Variants in DYM observed in about 807,000 individuals in gnomAD.
DYM encodes dyggve-Melchior-Clausen syndrome protein.
DYM carries 78 observed loss-of-function variants against 93.1 expected under a neutral mutation model. The ratio of observed to expected loss-of-function variants is 0.84; its 90% CI spans 0.70 to 1.01. The LOEUF is 1.01. DYM is among the 50% of genes least tolerant of loss of function. The pLI is 0.00. For synonymous variants in DYM, 321 were observed against 319.7 expected (o/e 1.00, Z -0.04); for missense variants, 789 against 845.0 (o/e 0.93, Z 0.82).
chr18:49,244,601 T>C (rs373135877), intron 13 of DYM, among the ~76,000 whole-genome samples: 3 of 152,170 alleles, frequency 2.0e-5, no homozygotes, highest in South Asian at 4.2e-4. Context: ...TGACATTTAG[T>C]TTCTTCATTA....
intron 14 of DYM, among the ~76,000 whole-genome samples, chr18:49,167,439 A>T (rs2088047733): frequency 6.6e-6 from 1 of 152,312 alleles, no homozygotes; most frequent in South Asian, 2.1e-4. Context: ...CATCGAAGAG[A>T]AACAGAGAAT....
intron 17 of DYM, among the ~76,000 whole-genome samples, chr18:49,045,825 G>C (rs1464206053): frequency 6.6e-6 from 1 of 152,110 alleles, no homozygotes; most frequent in African/African-American, 2.4e-5. Context: ...GCACACACCG[G>C]GGAGCAGAGG....
chr18:49,307,647 A>G (rs1568216520), intron 8 of DYM, among the ~76,000 whole-genome samples: 1 of 152,214 alleles, frequency 6.6e-6, no homozygotes, highest in Non-Finnish European at 1.5e-5. Flanking sequence ...TTCACTTGAT[A>G]TGGCAGAAAA....
intron 17 of DYM, among the ~76,000 whole-genome samples, chr18:49,063,228 C>T (rs1372346219): frequency 3.9e-5 from 6 of 152,038 alleles, no homozygotes; most frequent in Admixed American, 6.6e-5. Flanking sequence ...CAGGTCTGTC[C>T]AGGGAGAAAC....
intron 13 of DYM, among the ~76,000 whole-genome samples, chr18:49,233,089 C>T (rs530922400): frequency 6.6e-6 from 1 of 152,172 alleles, no homozygotes; most frequent in South Asian, 2.1e-4. Context: ...TCGGCCAGTG[C>T]AGTGGCTCAC....
chr18:49,159,082 T>C (rs1312624742), intron 15 of DYM, among the ~76,000 whole-genome samples: 1 of 152,214 alleles, frequency 6.6e-6, no homozygotes, highest in Non-Finnish European at 1.5e-5. Context: ...ACAATATGTA[T>C]GTATATCTTT....
At chr18:49,258,839 C>CACAGAG (rs1452041255) in intron 11 of DYM, among the ~76,000 whole-genome samples, 81 of 113,746 alleles carry the variant, frequency 7.1e-4, no homozygotes, top group African/African-American at 2.3e-3. Context: ...CACACACACA[C>CACAGAG]AGAGAGAGAG....
chr18:49,113,813 A>T (rs147066959), intron 16 of DYM, among the ~76,000 whole-genome samples: 3 of 152,340 alleles, frequency 2.0e-5, no homozygotes, highest in Non-Finnish European at 4.4e-5. Flanking sequence ...ATGTAAAAGG[A>T]GTTTAAAATG....
intron 17 of DYM, among the ~76,000 whole-genome samples, chr18:49,046,796 A>C (rs2071650942): frequency 6.6e-6 from 1 of 152,182 alleles, no homozygotes; most frequent in Non-Finnish European, 1.5e-5. Context: ...CAAGAGGCTG[A>C]GATGGGAGGA....
intron 15 of DYM, among the ~76,000 whole-genome samples, 174 bp downstream of exon 15, chr18:49,163,511 A>G (rs938751129): frequency 6.6e-6 from 1 of 151,656 alleles, no homozygotes; most frequent in Non-Finnish European, 1.5e-5. Flanking sequence ...ACACCCGGCT[A>G]ATTTTTGCAT....
At chr18:49,218,838 T>A (rs543578971) in intron 13 of DYM, among the ~76,000 whole-genome samples, 7 of 151,958 alleles carry the variant, frequency 4.6e-5, no homozygotes, top group South Asian at 2.1e-4. Flanking sequence ...ACATCACAAT[T>A]AAAAGAACTA....
At chr18:49,217,780 G>A (rs1014045229) in intron 13 of DYM, among the ~76,000 whole-genome samples, 9 of 152,130 alleles carry the variant, frequency 5.9e-5, no homozygotes, top group South Asian at 4.1e-4. Context: ...GGAACAAACC[G>A]TACCACCCAC....
At chr18:49,331,642 C>T (rs191650331) in intron 8 of DYM, among the ~76,000 whole-genome samples, 56 of 152,302 alleles carry the variant, frequency 3.7e-4, no homozygotes, top group African/African-American at 1.3e-3. Context: ...TCCTGAAAAA[C>T]GATGTTTTGT....
intron 17 of DYM, among the ~76,000 whole-genome samples, chr18:49,092,690 C>T (rs777748477): frequency 1.3e-5 from 2 of 152,044 alleles, no homozygotes; most frequent in African/African-American, 4.8e-5. Flanking sequence ...TAGGTGATAT[C>T]GGTGATGATG....
chr18:49,349,420 G>A (rs1189423321), intron 6 of DYM, among the ~76,000 whole-genome samples: 1 of 151,988 alleles, frequency 6.6e-6, no homozygotes, highest in East Asian at 1.9e-4. Context: ...TGAAAAGATG[G>A]ACATATAATG....
Position 49,429,541 on chromosome 18 carries a change from G to C in DYM, c.140+714C>G, listed in dbSNP as rs746241740. Among the ~76,000 whole-genome samples the C allele has an allele frequency of 3.9e-5, 6 of 152,220 alleles. No individual in the cohort carries two copies. In the East Asian group the frequency reaches 9.6e-4, roughly 24 times the overall value. On this transcript the variant is annotated intron_variant, in intron 2 of 17. Coordinates refer to ENST00000675505, the MANE Select transcript of DYM (RefSeq NM_001353214.3). ...ATTTTTCACCTCTGAAACTGGCAGA[G>C]GTCAAAGGTCTAAAATGCATCAAAC... is the stretch of plus-strand genomic sequence containing the variant.
intron 17 of DYM, among the ~76,000 whole-genome samples, chr18:49,047,211 C>T (rs542702942): frequency 3.3e-5 from 5 of 152,322 alleles, no homozygotes; most frequent in African/African-American, 1.2e-4. Flanking sequence ...AGGCCTAGAT[C>T]TCCCCACACC....
At chr18:49,179,099 T>G (rs941716472) in intron 14 of DYM, among the ~76,000 whole-genome samples, 1 of 152,122 alleles carries the variant, frequency 6.6e-6, no homozygotes, top group Non-Finnish European at 1.5e-5. Flanking sequence ...AGGTGACAAC[T>G]AGACCACAGT....
intron 15 of DYM, chr18:49,126,054 CCATT>C (rs1285035433): frequency 6.6e-6 from 1 of 152,180 alleles, no homozygotes; most frequent in Non-Finnish European, 1.5e-5. Context: ...TCCATTATCT[CCATT>C]AAGATACATA....
Sources: gnomAD v4.1 joint callset for allele counts (sites outside exome capture counted in the v4.1 genomes callset) on GRCh38, gnomAD v4.1.1 for gene constraint, MANE v1.5 for transcripts, NCBI Gene and HGNC (gene_info 2026-07-23, HGNC 2026-07-21) for gene names.